Variants in ARHGEF18 observed in about 807,000 individuals in gnomAD.
ARHGEF18 encodes Rho/Rac guanine nucleotide exchange factor 18, also known as rho guanine nucleotide exchange factor 18.
In ARHGEF18, 93 loss-of-function variants were observed where a neutral mutation model predicts 155.7. The ratio of observed to expected loss-of-function variants is 0.60; its 90% CI spans 0.50 to 0.71. The LOEUF is 0.71. Ranked by LOEUF, ARHGEF18 falls within the 30% of genes least tolerant of loss-of-function variation. ARHGEF18 has a pLI of 0.00. For missense variants in ARHGEF18, 1,593 were observed against 1,816.1 expected (o/e 0.88, Z 2.23); for synonymous variants, 742 against 753.1 (o/e 0.99, Z 0.24).
At chr19:7,384,639 C>T (rs1274965665) in intron 10 of ARHGEF18, among the ~76,000 whole-genome samples, 4 of 152,002 alleles carry the variant, frequency 2.6e-5, no homozygotes, top group Non-Finnish European at 1.5e-5. Context: ...CCCCATCCAG[C>T]TCTGTGACCC....
downstream of ARHGEF18, among the ~76,000 whole-genome samples, chr19:7,475,525 A>AACACACACAC (rs145950630): frequency 1.3e-5 from 2 of 150,342 alleles, no homozygotes; most frequent in Non-Finnish European, 3.0e-5. Context: ...AAACTGTTTA[A>AACACACACAC]ACACACACAC....
Position 7,469,964 on chromosome 19 carries a change from C to T in ARHGEF18, c.3848C>T (p.Thr1283Ile). 6.2e-7 allele frequency: 1 copy of T among 1,613,150 alleles called. No homozygotes were observed. Among genetic ancestry groups the T allele is most frequent in the Non-Finnish European group, 8.5e-7 (1 of 1,179,934 alleles). Residue 1283 changes from threonine to isoleucine, a missense_variant, in exon 28 of 29, where the codon ACC becomes ATC. Thr to Ile is a moderately conservative substitution (Grantham distance 89). Coordinates refer to ENST00000668164, the MANE Select transcript of ARHGEF18 (RefSeq NM_001367823.1). ...AAGCTCATGGGGAAAGATGAGAGCA[C>T]CTCACGGAACCGCCGCTCGCTGAGC... ...LNKLMGKDES[T>I]SRNRRSLSPI...
intron 10 of ARHGEF18, among the ~76,000 whole-genome samples, chr19:7,434,492 C>A (rs1974144288): frequency 6.6e-6 from 1 of 152,178 alleles, no homozygotes; most frequent in Non-Finnish European, 1.5e-5. Flanking sequence ...CATACAGTGG[C>A]CACAGCGGGC....
At chr19:7,358,341 CATCT>C (rs1471826632) in intron 1 of ARHGEF18, among the ~76,000 whole-genome samples, 4 of 151,818 alleles carry the variant, frequency 2.6e-5, no homozygotes, top group Admixed American at 2.6e-4. Flanking sequence ...TCCATTCATC[CATCT>C]ACCTATCCAT....
chr19:7,423,706 C>CAAAAAA (rs752705832), intron 10 of ARHGEF18, among the ~76,000 whole-genome samples: 1 of 103,292 alleles, frequency 9.7e-6, no homozygotes. Context: ...GACTCTATCT[C>CAAAAAA]AAAAAAAAAA....
chr19:7,392,133 C>T (rs557352593), intron 10 of ARHGEF18, among the ~76,000 whole-genome samples: 44 of 145,230 alleles, frequency 3.0e-4, no homozygotes, highest in Non-Finnish European at 5.4e-4. Flanking sequence ...CCCAGCTACT[C>T]GGGAGGCTGA....
intron 16 of ARHGEF18, 84 bp from the exon 17 acceptor site, chr19:7,453,383 C>CT: frequency 7.4e-7 from 1 of 1,347,462 alleles, no homozygotes; most frequent in African/African-American, 3.3e-5. Context: ...CCTCATAGAT[C>CT]CACATGTCCA....
intron 10 of ARHGEF18, among the ~76,000 whole-genome samples, chr19:7,424,443 C>T (rs998618031): frequency 6.6e-6 from 1 of 152,110 alleles, no homozygotes; most frequent in Non-Finnish European, 1.5e-5. Context: ...ACCTTTGCGT[C>T]CAAAATCTCG....
rs185831172 is a variant in ARHGEF18, at chr19:7,448,919, G to A, written c.1737+1751G>A. ...GGCCCTAACACTGCTGATTCCACAA[G>A]AGCTGCATCACCTGTGGCCTGGCCA... On this transcript the variant is annotated intron_variant, in intron 15 of 28. Coordinates refer to ENST00000668164, the MANE Select transcript of ARHGEF18 (RefSeq NM_001367823.1). 3.9e-5 allele frequency among the ~76,000 whole-genome samples: 6 copies of A among 152,218 alleles called. No individual in the cohort carries two copies. The East Asian group carries it at 1.2e-3, about 30-fold the overall frequency.
intron 10 of ARHGEF18, among the ~76,000 whole-genome samples, chr19:7,427,942 TCAAAAAA>T (rs1479373974): frequency 1.3e-5 from 2 of 151,060 alleles, no homozygotes; most frequent in Non-Finnish European, 2.9e-5. Flanking sequence ...AGACTCTGTC[TCAAAAAA>T]GAAAAAAGAA....
At chr19:7,416,519 C>T (rs1228180248) in intron 10 of ARHGEF18, among the ~76,000 whole-genome samples, 1 of 140,782 alleles carries the variant, frequency 7.1e-6, no homozygotes, top group Non-Finnish European at 1.5e-5. Context: ...ATGTGCCTCA[C>T]GGAGAAAATT....
intron 10 of ARHGEF18, among the ~76,000 whole-genome samples, chr19:7,427,429 G>A (rs111546553): frequency 4.7e-5 from 7 of 149,208 alleles, no homozygotes; most frequent in South Asian, 2.2e-4. Context: ...TTGCCTGAGC[G>A]CAGGAAGGAG....
chr19:7,422,961 C>T (rs986099887), intron 10 of ARHGEF18, among the ~76,000 whole-genome samples: 2 of 152,058 alleles, frequency 1.3e-5, no homozygotes, highest in African/African-American at 2.4e-5. Context: ...TCAAGTAATC[C>T]GCCCATCTTG....
intron 1 of ARHGEF18, among the ~76,000 whole-genome samples, chr19:7,350,772 GTGTGT>G (rs759727062): frequency 9.5e-4 from 26 of 27,442 alleles, no homozygotes; most frequent in African/African-American, 4.7e-3. Flanking sequence ...GGGTGGGTGT[GTGTGT>G]GTGTGTGTGT....
At chr19:7,458,367 C>A in intron 18 of ARHGEF18, 145 bp from the exon 19 acceptor site, 2 of 607,400 alleles carry the variant, frequency 3.3e-6, no homozygotes, top group Non-Finnish European at 5.0e-6. Flanking sequence ...CCCCAGATGG[C>A]AAAATATTTC....
chr19:7,377,882 C>G (rs982271606), intron 5 of ARHGEF18, among the ~76,000 whole-genome samples: 13 of 151,542 alleles, frequency 8.6e-5, no homozygotes, highest in African/African-American at 3.2e-4. Context: ...GTCCAGAGTT[C>G]GAGACCACCC....
rs770000138 is a variant in ARHGEF18 at position 7,440,219 on chromosome 19, C to T, written c.968-125C>T. ...GGAGCGAGAACGTCTTCTTGGATAACGAGCTGCTGACCTCCAAGATCCTGT... is the reference window on the plus strand; with the variant it reads ...GGAGCGAGAACGTCTTCTTGGATAATGAGCTGCTGACCTCCAAGATCCTGT... On this transcript the variant is annotated intron_variant, in intron 10 of 28. Coordinates refer to ENST00000668164, the MANE Select transcript of ARHGEF18 (RefSeq NM_001367823.1). The surrounding 1 kb of genome is among the most constrained non-coding windows in gnomAD (Gnocchi z 5.4). 1.3e-5 allele frequency: 20 copies of T among 1,551,680 alleles called. No individual in the cohort carries two copies. Among genetic ancestry groups the T allele is most frequent in the Non-Finnish European group, 1.6e-5 (18 of 1,147,064 alleles).
intron 14 of ARHGEF18, among the ~76,000 whole-genome samples, chr19:7,445,288 A>G (rs938028232): frequency 1.3e-5 from 2 of 152,140 alleles, no homozygotes; most frequent in Non-Finnish European, 2.9e-5. Context: ...TCTACAAAAC[A>G]TGAAAATAAA....
Position 7,444,217 on chromosome 19 carries a change from A to G in ARHGEF18, c.1374A>G (p.Thr458=), listed in dbSNP as rs2145793626. 1 of 1,613,302 alleles carries G rather than the reference A, an allele frequency of 6.2e-7. No individual in the cohort carries two copies. Among genetic ancestry groups the G allele is most frequent in the Middle Eastern group, 1.7e-4 (1 of 6,044 alleles). The part of the protein sequence containing the change: ...RQDVLYELMQ[T]EVHHVRTLKI... Reference sequence around the variant, plus strand: ...GTGTCCCTGCAGAGCTGATGCAGACAGAGGTGCACCACGTGCGGACGCTCA... The same window carrying G: ...GTGTCCCTGCAGAGCTGATGCAGACGGAGGTGCACCACGTGCGGACGCTCA... The change falls in exon 14 of 29, where the codon ACA becomes ACG. Residue 458 remains threonine (T), a synonymous_variant. Coordinates refer to ENST00000668164, the MANE Select transcript of ARHGEF18 (RefSeq NM_001367823.1). This position sits in a 1 kb window ranked among gnomAD's most constrained non-coding sequence, Gnocchi z 4.7.
Sources: allele counts gnomAD v4.1 joint callset (sites outside exome capture counted in the v4.1 genomes callset), GRCh38; gene constraint gnomAD v4.1.1; non-coding constraint Gnocchi (gnomAD v3.1); transcripts MANE v1.5; gene names NCBI Gene and HGNC (gene_info 2026-07-23, HGNC 2026-07-21).